Variants in PCDH15 observed in about 807,000 individuals in gnomAD.
PCDH15 encodes protocadherin-15.
Under a neutral mutation model 178.5 loss-of-function variants are expected in PCDH15, and 129 were observed. The observed-to-expected ratio is 0.72, with a 90% CI of 0.63 to 0.84. The LOEUF (loss-of-function observed/expected upper bound fraction) is 0.84, where lower values mean the gene tolerates loss of function less well. Ranked by LOEUF, PCDH15 falls within the 40% of genes least tolerant of loss-of-function variation. PCDH15 has a pLI of 0.00. For synonymous variants in PCDH15, 800 were observed against 732.0 expected (o/e 1.09, Z -1.50); for missense variants, 2,230 against 2,099.9 (o/e 1.06, Z -1.21).
intron 2 of PCDH15, among the ~76,000 whole-genome samples, chr10:54,635,388 A>G (rs2093823566): frequency 1.3e-5 from 2 of 150,722 alleles, no homozygotes; most frequent in South Asian, 2.1e-4. Context: ...TCATATATGT[A>G]TATATATATA....
At chr10:53,997,980 T>C (rs2091935272) in intron 20 of PCDH15, among the ~76,000 whole-genome samples, 3 of 152,192 alleles carry the variant, frequency 2.0e-5, no homozygotes, top group Admixed American at 6.5e-5. Flanking sequence ...GAGAAATGTA[T>C]TGAAATGCAA....
At chr10:55,531,432 C>T (rs1281323318) in intron 2 of PCDH15, among the ~76,000 whole-genome samples, 2 of 151,860 alleles carry the variant, frequency 1.3e-5, no homozygotes, top group African/African-American at 4.8e-5. Flanking sequence ...TTAAAGTAGA[C>T]TAAAGAGCTA....
chr10:54,060,056 GATA>G (rs924312641), intron 18 of PCDH15, among the ~76,000 whole-genome samples: 18 of 152,196 alleles, frequency 1.2e-4, no homozygotes, highest in Middle Eastern at 3.4e-3. Flanking sequence ...GCTCTATTTT[GATA>G]ATAACAAATA....
intron 8 of PCDH15, among the ~76,000 whole-genome samples, chr10:54,316,935 G>A (rs1043512987): frequency 1.3e-5 from 2 of 152,072 alleles, no homozygotes; most frequent in African/African-American, 4.8e-5. Flanking sequence ...ACGACTGCAT[G>A]TTTAAATATG....
intron 3 of PCDH15, among the ~76,000 whole-genome samples, chr10:54,433,154 A>C (rs1957151948): frequency 6.6e-6 from 1 of 152,202 alleles, no homozygotes. Context: ...TATGGAGAGC[A>C]GTTTAGAGGT....
intron 2 of PCDH15, among the ~76,000 whole-genome samples, chr10:55,369,729 T>C (rs577266985): frequency 6.6e-6 from 1 of 152,218 alleles, no homozygotes; most frequent in Admixed American, 6.6e-5. Context: ...GATCATATTA[T>C]CTAATGCCTT....
Position 54,107,416 on chromosome 10 carries a change from G to T in PCDH15, c.1918-17353C>A, listed in dbSNP as rs1037370729. On this transcript the variant is annotated intron_variant, in intron 15 of 37. Transcript: ENST00000644397. The stretch of plus-strand genomic sequence containing the variant: ...GCTCCTATTGCGGGTATGGGCTGTG[G>T]TCTGGTAGAGAGAATCAGAACCCCA... 4.6e-5 allele frequency among the ~76,000 whole-genome samples: 7 copies of T among 152,212 alleles called. No homozygotes were observed. In the South Asian group the frequency reaches 1.5e-3, roughly 32 times the overall value.
chr10:54,358,316 C>T (rs1461395058), intron 5 of PCDH15, among the ~76,000 whole-genome samples: 2 of 151,598 alleles, frequency 1.3e-5, no homozygotes, highest in African/African-American at 4.9e-5. Context: ...AACAAATTTA[C>T]AAGAAAAAAA....
intron 3 of PCDH15, among the ~76,000 whole-genome samples, chr10:54,395,198 T>C (rs1275559181): frequency 2.6e-5 from 4 of 152,240 alleles, no homozygotes; most frequent in Admixed American, 2.6e-4. Flanking sequence ...ATGAAATCTT[T>C]ACAATTTATG....
At chr10:55,587,982 G>A (rs971208761) in intron 2 of PCDH15, among the ~76,000 whole-genome samples, 2 of 152,222 alleles carry the variant, frequency 1.3e-5, no homozygotes, top group African/African-American at 2.4e-5. Flanking sequence ...ACTTGTACAA[G>A]TGCTGAATCG....
chr10:55,126,470 A>G (rs1425784909), intron 2 of PCDH15, among the ~76,000 whole-genome samples: 5 of 152,102 alleles, frequency 3.3e-5, no homozygotes, highest in Admixed American at 3.3e-4. Context: ...TTTGGTCTCA[A>G]TAGGGGTGAA....
chr10:54,239,215 C>G (rs2054968367), intron 8 of PCDH15, among the ~76,000 whole-genome samples: 1 of 150,904 alleles, frequency 6.6e-6, no homozygotes, highest in Non-Finnish European at 1.5e-5. Flanking sequence ...TACACATAAG[C>G]AGTTTTAGCT....
Position 54,868,259 on chromosome 10 carries a change from T to C in PCDH15, c.-29+29191A>G, listed in dbSNP as rs1329744829. ...CCCAAATTATAGATGTAGATTATTC[T>C]ATTGTATGCTTTTGAATTATACCTG... On this transcript the variant is annotated intron_variant, in intron 3 of 5. Coordinates refer to the PCDH15 transcript ENST00000458638. 2.6e-5 allele frequency among the ~76,000 whole-genome samples: 4 copies of C among 152,328 alleles called. 1 individual carries two copies. The East Asian group carries it at 7.7e-4, about 29-fold the overall frequency.
intron 2 of PCDH15, among the ~76,000 whole-genome samples, chr10:54,573,570 A>G (rs956497082): frequency 6.6e-6 from 1 of 152,122 alleles, no homozygotes; most frequent in African/African-American, 2.4e-5. Flanking sequence ...ATAATTTTTA[A>G]CTCTCTGCCT....
At position 53,822,414 on chromosome 10, in the gene PCDH15, A is replaced by C. The variant is rs1437288212; in HGVS notation, c.4368-2184T>G. The stretch of plus-strand genomic sequence containing the variant: ...AGGACAAAAAAGAGAAAAAGGAGAA[A>C]TGTCAGGAGGAGGAGCAAGAGGAGC... On this transcript the variant is annotated intron_variant, in intron 32 of 37. Coordinates refer to ENST00000644397, the MANE Select transcript of PCDH15 (RefSeq NM_001384140.1). The C allele has an allele frequency of 4.4e-6, 7 of 1,578,546 alleles. No individual in the cohort carries two copies. Among genetic ancestry groups the C allele is most frequent in the Non-Finnish European group, 6.0e-6 (7 of 1,162,232 alleles).
chr10:54,858,354 A>G (rs1212161528), intron 3 of PCDH15, among the ~76,000 whole-genome samples: 2 of 152,136 alleles, frequency 1.3e-5, no homozygotes, highest in South Asian at 4.1e-4. Flanking sequence ...CTATTGTGAA[A>G]GGTGCTGCAA....
intron 8 of PCDH15, among the ~76,000 whole-genome samples, chr10:54,305,927 A>G (rs1043352005): frequency 6.6e-6 from 1 of 152,088 alleles, no homozygotes; most frequent in African/African-American, 2.4e-5. Flanking sequence ...GAAGAGAGGT[A>G]GTAGAAGCAG....
chr10:54,722,487 T>G (rs67054546), intron 1 of PCDH15, among the ~76,000 whole-genome samples: 18,402 of 151,528 alleles, frequency 0.12, 1,247 homozygotes, highest in African/African-American at 0.17. Flanking sequence ...TCCTTTGTGT[T>G]GTTTATTTGG....
At chr10:54,395,743 T>G (rs1951131291) in intron 3 of PCDH15, among the ~76,000 whole-genome samples, 1 of 152,134 alleles carries the variant, frequency 6.6e-6, no homozygotes, top group Non-Finnish European at 1.5e-5. Context: ...TTTTTCTATC[T>G]TGTAATAATA....
Sources: gnomAD v4.1 joint callset for allele counts (sites outside exome capture counted in the v4.1 genomes callset) on GRCh38, gnomAD v4.1.1 for gene constraint, MANE v1.5 for transcripts, NCBI Gene and HGNC (gene_info 2026-07-23, HGNC 2026-07-21) for gene names.